AP1S3: variants seen among roughly 807,000 people sequenced by gnomAD.
AP1S3 encodes adaptor related protein complex 1 subunit sigma 3.
In AP1S3, 10 loss-of-function variants were observed where a neutral mutation model predicts 20.9. The observed-to-expected ratio is 0.48, with a 90% CI of 0.29 to 0.81. AP1S3 has a LOEUF of 0.81. AP1S3 is among the 30% of genes least tolerant of loss of function. AP1S3 has a pLI of 0.08. For missense variants in AP1S3, 154 were observed against 183.8 expected (o/e 0.84, Z 0.94); for synonymous variants, 41 against 61.5 (o/e 0.67, Z 1.56).
At chr2:223,806,136 T>C (rs1043398615) in intron 1 of AP1S3, among the ~76,000 whole-genome samples, 3 of 152,112 alleles carry the variant, frequency 2.0e-5, no homozygotes, top group Non-Finnish European at 2.9e-5. Flanking sequence ...ACTAGACAAG[T>C]TCCAGTGCAG....
intron 1 of AP1S3, among the ~76,000 whole-genome samples, chr2:223,808,367 C>T (rs1691635014): frequency 6.6e-6 from 1 of 152,176 alleles, no homozygotes; most frequent in South Asian, 2.1e-4. Context: ...TCCCTTCTGA[C>T]AGGCTTAGAA....
intron 1 of AP1S3, among the ~76,000 whole-genome samples, chr2:223,810,597 C>G (rs910047865): frequency 2.6e-5 from 4 of 152,378 alleles, no homozygotes; most frequent in African/African-American, 7.2e-5. Flanking sequence ...GCGTGAGCCT[C>G]AGTGCCCAGC....
At chr2:223,791,047 C>G (rs534938421) in intron 1 of AP1S3, among the ~76,000 whole-genome samples, 13 of 152,272 alleles carry the variant, frequency 8.5e-5, no homozygotes, top group South Asian at 2.1e-4. Context: ...AACCTACCAA[C>G]CAAGAAAAGC....
chr2:223,761,514 T>A (rs1690352887), intron 4 of AP1S3, among the ~76,000 whole-genome samples: 1 of 152,032 alleles, frequency 6.6e-6, no homozygotes, highest in South Asian at 2.1e-4. Flanking sequence ...AGCCTTGACC[T>A]CTCGGGCTCA....
At chr2:223,836,324 G>A (rs1186903029) in intron 1 of AP1S3, among the ~76,000 whole-genome samples, 1 of 152,182 alleles carries the variant, frequency 6.6e-6, no homozygotes, top group African/African-American at 2.4e-5. Context: ...CTGAGCTATC[G>A]CTTCCACCCA....
chr2:223,810,409 C>A (rs1467421359), intron 1 of AP1S3, among the ~76,000 whole-genome samples: 1 of 152,086 alleles, frequency 6.6e-6, no homozygotes, highest in Non-Finnish European at 1.5e-5. Flanking sequence ...ACCTCCTGGG[C>A]TCGAGCCTCC....
chr2:223,817,454 C>T (rs568519011), intron 1 of AP1S3, among the ~76,000 whole-genome samples: 66 of 151,374 alleles, frequency 4.4e-4, no homozygotes, highest in Non-Finnish European at 7.2e-4. Flanking sequence ...ACTAAAAATA[C>T]AAAATTAGCC....
chr2:223,766,817 A>G (rs1022134467), intron 3 of AP1S3, among the ~76,000 whole-genome samples: 36 of 152,236 alleles, frequency 2.4e-4, no homozygotes, highest in African/African-American at 8.2e-4. Context: ...ATGCCCATCA[A>G]TGATAGACTG....
chr2:223,765,050 TCGAG>T, intron 4 of AP1S3, 159 bp downstream of exon 4: 1 of 1,024,530 alleles, frequency 9.8e-7, no homozygotes, highest in Non-Finnish European at 1.3e-6. Flanking sequence ...ACCTACTTTT[TCGAG>T]TTGTTGTGAG....
chr2:223,789,835 CAA>C lies in AP1S3; in HGVS notation c.4-11968_4-11967del, dbSNP rs35429659. ...CCTCGGTGATAGTACAAGACTCTAT[CAA>C]AAAAAAAAAAAAAGGCAATCAAATG... is the stretch of plus-strand genomic sequence containing the variant. On this transcript the variant is annotated intron_variant, in intron 1 of 4. Transcript: ENST00000396654. Among the ~76,000 whole-genome samples, 1,155 of 120,776 alleles carry C rather than the reference CAA, an allele frequency of 9.6e-3. 11 individuals are homozygous for C. The highest frequency in any genetic ancestry group is 0.064 in the South Asian group (245 of 3,836). 79.2% of individuals were successfully genotyped at this position (120,776 alleles called of 152,430 possible).
chr2:223,831,627 A>G (rs2106042183), intron 1 of AP1S3, among the ~76,000 whole-genome samples: 1 of 152,340 alleles, frequency 6.6e-6, no homozygotes, highest in Middle Eastern at 3.4e-3. Flanking sequence ...AAAACTAGGT[A>G]TACCAGAAAG....
chr2:223,796,249 G>A (rs981681964), intron 1 of AP1S3, among the ~76,000 whole-genome samples: 39 of 152,128 alleles, frequency 2.6e-4, no homozygotes, highest in African/African-American at 9.2e-4. Flanking sequence ...TCTTCATCAA[G>A]GCAGGCAAAA....
rs1402873940 is a variant in AP1S3, at chr2:223,777,763, T to C, written c.110A>G (p.Gln37Arg). Residue 37 changes from glutamine to arginine, a missense_variant, in exon 2 of 5, where the codon CAG (glutamine) becomes CGG (arginine). Coordinates refer to ENST00000396654, the MANE Select transcript of AP1S3 (RefSeq NM_001039569.2). ...CCTGTGACCACGGGAGAGAATAATC[T>C]GAACAATTTCCCGGGTGATCTTCTT... ...ERKKITREIV[Q>R]IILSRGHRTS... is the part of the protein sequence containing the mutation. The C allele has an allele frequency of 1.2e-6, 2 of 1,614,166 alleles. No homozygotes were observed. Among genetic ancestry groups the C allele is most frequent in the Non-Finnish European group, 1.7e-6 (2 of 1,180,026 alleles).
chr2:223,833,738 G>C (rs945499613), intron 1 of AP1S3, among the ~76,000 whole-genome samples: 1 of 152,186 alleles, frequency 6.6e-6, no homozygotes, highest in East Asian at 1.9e-4. Context: ...CTTACAACTT[G>C]AAGGTAATAA....
chr2:223,759,001 A>G (rs772724289), intron 4 of AP1S3, among the ~76,000 whole-genome samples: 4 of 152,204 alleles, frequency 2.6e-5, no homozygotes, highest in Non-Finnish European at 4.4e-5. Context: ...AATGTCTGAT[A>G]AGAGAAATGC....
chr2:223,770,225 G>A, intron 3 of AP1S3: 1 of 1,550,848 alleles, frequency 6.4e-7, no homozygotes, highest in South Asian at 1.2e-5. Context: ...GAAGTCAGGA[G>A]TTATAGTAGC....
intron 1 of AP1S3, among the ~76,000 whole-genome samples, chr2:223,794,447 G>A (rs1019909577): frequency 8.6e-5 from 13 of 151,978 alleles, no homozygotes; most frequent in Admixed American, 3.3e-4. Flanking sequence ...AAAGCCCAGG[G>A]TTTTATTGGG....
chr2:223,769,935 G>A (rs1690573141), intron 3 of AP1S3, among the ~76,000 whole-genome samples: 1 of 151,698 alleles, frequency 6.6e-6, no homozygotes, highest in Non-Finnish European at 1.5e-5. Context: ...TAGTAGAGAC[G>A]GGGTTTCACT....
rs940803356 is a variant in AP1S3 at position 223,761,488 on chromosome 2, G to T, written c.430-2738C>A. On this transcript the variant is annotated intron_variant, in intron 4 of 4. Transcript: ENST00000396654. Reference sequence around the variant, plus strand: ...CACCCAGGCTGAAGTGCAGTGGTGCGATTACCGCTCACTGCAGCCTTGACC... The same window carrying T: ...CACCCAGGCTGAAGTGCAGTGGTGCTATTACCGCTCACTGCAGCCTTGACC... Among the ~76,000 whole-genome samples the T allele has an allele frequency of 3.9e-5, 6 of 152,198 alleles. No individual in the cohort carries two copies. In the South Asian group the frequency reaches 1.2e-3, roughly 32 times the overall value.
Sources: allele counts gnomAD v4.1 joint callset (sites outside exome capture counted in the v4.1 genomes callset), GRCh38; gene constraint gnomAD v4.1.1; transcripts MANE v1.5; gene names NCBI Gene and HGNC (gene_info 2026-07-23, HGNC 2026-07-21).